RAB3C: variants seen among roughly 807,000 people sequenced by gnomAD.
The protein encoded by RAB3C is RAB3C, member RAS oncogene family, also known as ras-related protein Rab-3C.
Under a neutral mutation model 26.4 loss-of-function variants are expected in RAB3C, and 17 were observed. The ratio of observed to expected loss-of-function variants is 0.64; its 90% CI spans 0.44 to 0.97. The LOEUF (loss-of-function observed/expected upper bound fraction) is 0.97, where lower values mean the gene tolerates loss of function less well. Ranked by LOEUF, RAB3C falls within the 50% of genes least tolerant of loss-of-function variation. The pLI, the probability that RAB3C is intolerant of heterozygous loss-of-function variation, is 0.00. For synonymous variants in RAB3C, 91 were observed against 95.9 expected, an observed-to-expected ratio of 0.95 and a Z score of 0.30; for missense variants, 242 against 281.9, an observed-to-expected ratio of 0.86 and a Z score of 1.01.
intron 2 of RAB3C, among the ~76,000 whole-genome samples, chr5:58,621,689 C>T (rs1746943803): frequency 6.6e-6 from 1 of 152,206 alleles, no homozygotes; most frequent in Non-Finnish European, 1.5e-5. Flanking sequence ...AATTCTCCAG[C>T]CTCAGCCTCC....
At chr5:58,778,940 G>A (rs1305620219) in intron 3 of RAB3C, among the ~76,000 whole-genome samples, 2 of 152,070 alleles carry the variant, frequency 1.3e-5, no homozygotes, top group African/African-American at 2.4e-5. Flanking sequence ...ATTAATAATA[G>A]CGTCATTCTC....
chr5:58,696,195 C>G (rs999354988), intron 2 of RAB3C, among the ~76,000 whole-genome samples: 5 of 152,152 alleles, frequency 3.3e-5, no homozygotes, highest in Non-Finnish European at 7.3e-5. Flanking sequence ...TGGTTTTTAT[C>G]TTTGGTTCTG....
chr5:58,680,600 TC>T (rs1748325331), intron 2 of RAB3C, among the ~76,000 whole-genome samples: 1 of 152,164 alleles, frequency 6.6e-6, no homozygotes, highest in Admixed American at 6.5e-5. Flanking sequence ...TGGACCAAAG[TC>T]AGGGTGTTGG....
chr5:58,853,931 T>A lies in RAB3C; in HGVS notation c.*2580T>A, dbSNP rs1472392139. On this transcript the variant is annotated 3_prime_UTR_variant, in exon 5 of 5. Transcript: ENST00000282878. ...GGGTTTTAACATCAAATTTGGCAAATGGTGGGACCAACCCAAGGTTAACTA... is the reference window on the plus strand; with the variant it reads ...GGGTTTTAACATCAAATTTGGCAAAAGGTGGGACCAACCCAAGGTTAACTA... 2.6e-5 allele frequency: 4 copies of A among 152,000 alleles called. No individual in the cohort carries two copies. The highest frequency in any genetic ancestry group is 9.7e-5 in the African/African-American group (4 of 41,382). The allele number at this position is 152,000 out of a possible 1,614,324, so 9.4% of individuals were successfully genotyped here. A position where few individuals can be genotyped will look rare whatever the true frequency, so the allele number is the denominator to read the frequency against.
intron 3 of RAB3C, chr5:58,823,007 G>GTTGA: frequency 1.6e-6 from 1 of 613,108 alleles, no homozygotes; most frequent in South Asian, 1.4e-5. Flanking sequence ...GAAGGGAGCT[G>GTTGA]TTGATAAAGG....
intron 1 of RAB3C, among the ~76,000 whole-genome samples, chr5:58,610,366 A>G (rs1746673007): frequency 6.6e-6 from 1 of 152,098 alleles, no homozygotes; most frequent in Admixed American, 6.6e-5. Flanking sequence ...GCAGCAATTT[A>G]TGAGCATTCC....
At position 58,583,443 on chromosome 5, in the gene RAB3C, G is replaced by T. The variant is rs116279670; in HGVS notation, c.24+211G>T. ...GTCTTGATGAGGGATCGGGCTATTCGCAATCTTTCTAGGCTCTGTAAAGAG... is the reference window on the plus strand; with the variant it reads ...GTCTTGATGAGGGATCGGGCTATTCTCAATCTTTCTAGGCTCTGTAAAGAG... On this transcript the variant is annotated intron_variant, in intron 1 of 4. Transcript: ENST00000282878. The T allele has an allele frequency of 6.0e-6, 4 of 668,958 alleles. No homozygotes were observed. In the South Asian group the frequency reaches 2.0e-4, roughly 33 times the overall value. The allele number at this position is 668,958 out of a possible 1,614,324, so 41.4% of individuals were successfully genotyped here.
chr5:58,604,267 AT>A (rs1266976771), intron 1 of RAB3C, among the ~76,000 whole-genome samples: 1 of 152,124 alleles, frequency 6.6e-6, no homozygotes, highest in Non-Finnish European at 1.5e-5. Flanking sequence ...TTAATGCTCT[AT>A]TTTTGTCCTG....
chr5:58,739,709 G>T (rs1741236312), intron 3 of RAB3C, among the ~76,000 whole-genome samples: 1 of 152,064 alleles, frequency 6.6e-6, no homozygotes, highest in Non-Finnish European at 1.5e-5. Context: ...TCAAAGCAAG[G>T]ATAAAAATTA....
chr5:58,781,551 GC>G (rs1386817881), intron 3 of RAB3C, among the ~76,000 whole-genome samples: 3 of 151,356 alleles, frequency 2.0e-5, no homozygotes, highest in African/African-American at 7.3e-5. Context: ...AAGCATTAAG[GC>G]TTAATTCTTA....
At chr5:58,811,202 C>G (rs574601733) in intron 3 of RAB3C, among the ~76,000 whole-genome samples, 22 of 152,218 alleles carry the variant, frequency 1.4e-4, no homozygotes, top group Non-Finnish European at 2.9e-4. Context: ...CAATTACTCT[C>G]TACAACCAAG....
chr5:58,672,438 T>C (rs1037172888), intron 2 of RAB3C, among the ~76,000 whole-genome samples: 6 of 152,198 alleles, frequency 3.9e-5, no homozygotes, highest in African/African-American at 1.4e-4. Flanking sequence ...TCCTTGAGGC[T>C]CACTTATCTC....
chr5:58,644,131 G>A (rs1208002992), intron 2 of RAB3C, among the ~76,000 whole-genome samples: 1 of 152,132 alleles, frequency 6.6e-6, no homozygotes, highest in Non-Finnish European at 1.5e-5. Context: ...AGCAATACTG[G>A]TTTTATTTTC....
At chr5:58,642,941 A>T (rs573845252) in intron 2 of RAB3C, among the ~76,000 whole-genome samples, 1 of 152,228 alleles carries the variant, frequency 6.6e-6, no homozygotes, top group Non-Finnish European at 1.5e-5. Context: ...GCAATTTATA[A>T]TAGGGATCTT....
At chr5:58,689,953 T>C (rs1748528547) in intron 2 of RAB3C, among the ~76,000 whole-genome samples, 1 of 152,156 alleles carries the variant, frequency 6.6e-6, no homozygotes, top group Admixed American at 6.5e-5. Context: ...GAAGCAATAC[T>C]TAGGGGAGAT....
chr5:58,704,470 T>A (rs1323252903), intron 2 of RAB3C, among the ~76,000 whole-genome samples: 2 of 152,142 alleles, frequency 1.3e-5, no homozygotes, highest in Non-Finnish European at 2.9e-5. Context: ...AAGGAAAAAA[T>A]TCTGCTTGTT....
intron 3 of RAB3C, among the ~76,000 whole-genome samples, chr5:58,743,392 AT>A (rs5868128): frequency 0.17 from 25,662 of 150,274 alleles, 2,203 homozygotes; most frequent in Middle Eastern, 0.28. Context: ...CAGCATCAGG[AT>A]TTTTTTTTTA....
At chr5:58,709,155 G>T (rs956707720) in intron 2 of RAB3C, among the ~76,000 whole-genome samples, 23 of 152,216 alleles carry the variant, frequency 1.5e-4, no homozygotes, top group African/African-American at 5.5e-4. Context: ...CCCCTAAAGA[G>T]AATTCATATT....
chr5:58,589,389 G>T (rs1485473653), intron 1 of RAB3C, among the ~76,000 whole-genome samples: 1 of 152,110 alleles, frequency 6.6e-6, no homozygotes, highest in African/African-American at 2.4e-5. Context: ...ATGCCTTCAT[G>T]AAGTTATAGT....
Sources: allele counts gnomAD v4.1 joint callset (sites outside exome capture counted in the v4.1 genomes callset), GRCh38; gene constraint gnomAD v4.1.1; transcripts MANE v1.5; gene names NCBI Gene and HGNC (gene_info 2026-07-23, HGNC 2026-07-21).